Variants in INPP4A observed in about 807,000 individuals in gnomAD.
INPP4A encodes inositol polyphosphate-4-phosphatase type I A, also known as inositol polyphosphate-4-phosphatase, type I, 107kD.
A neutral mutation model predicts 119.8 loss-of-function variants in INPP4A; 33 were observed. That is an observed-to-expected ratio of 0.28 (90% CI 0.21 to 0.37). The LOEUF (loss-of-function observed/expected upper bound fraction) is 0.37, where lower values mean the gene tolerates loss of function less well. INPP4A is among the 10% of genes least tolerant of loss of function. The pLI is 1.00. For missense variants in INPP4A, 956 were observed against 1,289.9 expected, an observed-to-expected ratio of 0.74 and a Z score of 3.97; for synonymous variants, 496 against 500.7, an observed-to-expected ratio of 0.99 and a Z score of 0.12.
At chr2:98,451,916 G>A (rs894104792) in intron 1 of INPP4A, among the ~76,000 whole-genome samples, 2 of 152,036 alleles carry the variant, frequency 1.3e-5, no homozygotes, top group African/African-American at 4.8e-5. Context: ...TGTGTCAGTT[G>A]GGATGCTTTT....
chr2:98,572,761 C>G (rs1213913102), intron 22 of INPP4A, 54 bp from the exon 23 acceptor site: 2 of 1,307,222 alleles, frequency 1.5e-6, no homozygotes, highest in Non-Finnish European at 2.1e-6. Flanking sequence ...CTCCCTCTGC[C>G]GGGGGAGTTC....
chr2:98,540,948 A>T (rs796219361), intron 10 of INPP4A, among the ~76,000 whole-genome samples: 59 of 152,370 alleles, frequency 3.9e-4, no homozygotes, highest in African/African-American at 1.4e-3. Flanking sequence ...GAAGCGTGAA[A>T]GAAAGCAAGG....
intron 1 of INPP4A, among the ~76,000 whole-genome samples, chr2:98,516,865 C>T (rs1039517242): frequency 6.6e-6 from 1 of 152,170 alleles, no homozygotes; most frequent in Admixed American, 6.5e-5. Context: ...CCCCTCTGTA[C>T]AGTACCTCTT....
chr2:98,499,469 T>G (rs2105354622), intron 1 of INPP4A, among the ~76,000 whole-genome samples: 1 of 152,332 alleles, frequency 6.6e-6, no homozygotes, highest in Admixed American at 6.5e-5. Flanking sequence ...TTGTTTAACT[T>G]TATTTGAGAT....
chr2:98,537,880 G>T lies in INPP4A; in HGVS notation c.485G>T (p.Arg162Leu), dbSNP rs762110602. The T allele has an allele frequency of 1.2e-6, 2 of 1,611,892 alleles. No individual in the cohort carries two copies. Among genetic ancestry groups the T allele is most frequent in the South Asian group, 2.2e-5 (2 of 90,530 alleles). Residue 162 changes from arginine to leucine, a missense_variant, in exon 8 of 25, where the codon CGT (arginine) becomes CTT (leucine). Transcript: ENST00000409851. ...CATCACAGGTCTGCAGAGAGTGACC[G>T]TGTAGGTAACATCACCGTGATTGGC... Reference protein sequence around the residue: ...HLTLRSAESDRVGNITVIGWQ... With the variant: ...HLTLRSAESDLVGNITVIGWQ...
At chr2:98,534,471 T>C (rs1204009711) in intron 5 of INPP4A, among the ~76,000 whole-genome samples, 9 of 152,186 alleles carry the variant, frequency 5.9e-5, no homozygotes, top group Non-Finnish European at 1.2e-4. Flanking sequence ...TACTTCAGTA[T>C]GTCTGGGGTA....
intron 1 of INPP4A, among the ~76,000 whole-genome samples, chr2:98,503,704 A>G (rs907726835): frequency 6.6e-6 from 1 of 152,226 alleles, no homozygotes; most frequent in African/African-American, 2.4e-5. Flanking sequence ...ACAGTTCCAG[A>G]TTACAGACTC....
intron 1 of INPP4A, among the ~76,000 whole-genome samples, chr2:98,446,293 C>T (rs1694181580): frequency 6.6e-6 from 1 of 152,150 alleles, no homozygotes; most frequent in South Asian, 2.1e-4. Context: ...CTTTCTTTAA[C>T]GGAAATTTTG....
At chr2:98,450,127 A>G in intron 1 of INPP4A, among the ~76,000 whole-genome samples, 1 of 152,106 alleles carries the variant, frequency 6.6e-6, no homozygotes, top group East Asian at 1.9e-4. Context: ...CTAAATGACA[A>G]GGAACCCAAG....
At position 98,546,122 on chromosome 2, in the gene INPP4A, C is replaced by G. The variant is rs1232033374; in HGVS notation, c.1054+49C>G. 2.3e-6 allele frequency: 3 copies of G among 1,319,930 alleles called. No homozygotes were observed. Among genetic ancestry groups the G allele is most frequent in the Non-Finnish European group, 3.2e-6 (3 of 937,232 alleles). 81.8% of individuals were successfully genotyped at this position (1,319,930 alleles called of 1,614,324 possible). On this transcript the variant is annotated intron_variant, in intron 12 of 24. Transcript: ENST00000409851. This position sits in a 1 kb window ranked among gnomAD's most constrained non-coding sequence, Gnocchi z 4.2. Reference sequence around the variant, plus strand: ...TGTTGAATCACATTTCGCTGCTTTTCTCTGTGGGTACTTGGTCCCTGAGTA... The same window carrying G: ...TGTTGAATCACATTTCGCTGCTTTTGTCTGTGGGTACTTGGTCCCTGAGTA...
At chr2:98,561,043 G>A (rs1695380149) in intron 17 of INPP4A, among the ~76,000 whole-genome samples, 2 of 152,154 alleles carry the variant, frequency 1.3e-5, no homozygotes, top group Non-Finnish European at 2.9e-5. Flanking sequence ...CTGGAGAACT[G>A]CATTTAATCT....
At chr2:98,541,276 G>T (rs1574993748) in intron 10 of INPP4A, among the ~76,000 whole-genome samples, 1 of 150,550 alleles carries the variant, frequency 6.6e-6, no homozygotes, top group East Asian at 2.0e-4. Flanking sequence ...GCAGTGAGCC[G>T]AGATCACGCC....
In INPP4A at chr2:98,591,508, T is replaced by C. The variant is rs1700401156; in HGVS notation, c.*3900T>C. ...TCAAGGTCAGGCCTAATTTTGCTTC[T>C]CTTTAAAGTTAAGCCAAGAAGAAGA... On this transcript the variant is annotated 3_prime_UTR_variant, in exon 25 of 25. Coordinates refer to ENST00000409851, the MANE Select transcript of INPP4A (RefSeq NM_001134225.2). 1 of 152,162 alleles carries C rather than the reference T, an allele frequency of 6.6e-6. No individual in the cohort carries two copies. Among genetic ancestry groups the C allele is most frequent in the Non-Finnish European group, 1.5e-5 (1 of 68,042 alleles). The allele number at this position is 152,162 out of a possible 1,614,324, so 9.4% of individuals were successfully genotyped here.
At chr2:98,575,637 A>G (rs910335643) in intron 23 of INPP4A, among the ~76,000 whole-genome samples, 5 of 152,000 alleles carry the variant, frequency 3.3e-5, no homozygotes, top group Non-Finnish European at 7.4e-5. Flanking sequence ...TCCCTAGACG[A>G]GGTTCTTAGC....
intron 5 of INPP4A, among the ~76,000 whole-genome samples, chr2:98,534,355 A>T (rs1401989160): frequency 2.6e-5 from 4 of 152,178 alleles, no homozygotes; most frequent in Non-Finnish European, 5.9e-5. Flanking sequence ...ACAGCAGAGT[A>T]TGGGAAGTAT....
chr2:98,563,868 GTC>G (rs1335014131), intron 18 of INPP4A, among the ~76,000 whole-genome samples: 1 of 151,708 alleles, frequency 6.6e-6, no homozygotes, highest in African/African-American at 2.4e-5. Flanking sequence ...CACCTGCAGA[GTC>G]TGCCGATTCT....
chr2:98,576,998 C>G lies in INPP4A; in HGVS notation c.2641C>G (p.Arg881Gly), dbSNP rs1698532393. 6.2e-7 allele frequency: 1 copy of G among 1,611,366 alleles called. No homozygotes were observed. The highest frequency in any genetic ancestry group is 1.3e-5 in the African/African-American group (1 of 74,880). ...ATGTTTCTGTTGGCAGATCTGCCGCCGCCTTAATGGGGTCCGGTTCACCAG... is the reference window on the plus strand; with the variant it reads ...ATGTTTCTGTTGGCAGATCTGCCGCGGCCTTAATGGGGTCCGGTTCACCAG... ...ILWQAAEICR[R>G]LNGVRFTSCK... Residue 881 changes from arginine (R) to glycine (G), a missense_variant, in exon 24 of 25, where the codon CGC becomes GGC. By Grantham distance (125) the Arg-to-Gly change is moderately radical. This residue lies in a region of INPP4A where 304 missense variants were observed against 492.1 expected (regional missense o/e 0.62). Transcript: ENST00000409851.
chr2:98,487,335 G>C (rs992264858), intron 1 of INPP4A, among the ~76,000 whole-genome samples: 2 of 152,300 alleles, frequency 1.3e-5, no homozygotes, highest in Middle Eastern at 3.4e-3. Flanking sequence ...GAGTTTCTCA[G>C]AATTTCCTTG....
chr2:98,483,196 A>G (rs2105077151), intron 1 of INPP4A, among the ~76,000 whole-genome samples: 1 of 152,334 alleles, frequency 6.6e-6, no homozygotes, highest in Admixed American at 6.5e-5. Flanking sequence ...TTCATGACCA[A>G]TACACTTGAA....
Sources: allele counts gnomAD v4.1 joint callset (sites outside exome capture counted in the v4.1 genomes callset), GRCh38; gene constraint gnomAD v4.1.1; regional missense constraint gnomAD v4.1.1; non-coding constraint Gnocchi (gnomAD v3.1); transcripts MANE v1.5; gene names NCBI Gene and HGNC (gene_info 2026-07-23, HGNC 2026-07-21).